The following CRYBA4 variants were observed in gnomAD, a reference collection of about 807,000 sequenced individuals.
The protein encoded by CRYBA4 is beta-crystallin A4.
In CRYBA4, 30 loss-of-function variants were observed where a neutral mutation model predicts 31.7. The observed-to-expected ratio is 0.95, with a 90% CI of 0.71 to 1.28. The LOEUF is 1.28. Among genes scored for constraint, CRYBA4 ranks in the 50% most tolerant of loss-of-function variants. CRYBA4 has a pLI of 0.00. For synonymous variants in CRYBA4, 102 were observed against 102.3 expected, an observed-to-expected ratio of 1.00 and a Z score of 0.02; for missense variants, 225 against 260.7, an observed-to-expected ratio of 0.86 and a Z score of 0.94.
chr22:26,607,951 A>G, the CRYBA4 span: 1 of 1,614,248 alleles, frequency 6.2e-7, no homozygotes, highest in Non-Finnish European at 8.5e-7. Context: ...CATGTGTTCC[A>G]GCGAGGGTAC....
chr22:26,594,241 TC>T, the CRYBA4 span, among the ~76,000 whole-genome samples: 1 of 152,210 alleles, frequency 6.6e-6, no homozygotes, highest in Admixed American at 6.5e-5. Context: ...CTAAGAAGGC[TC>T]ATCTCTTTAG....
the CRYBA4 span, chr22:26,601,932 G>C: frequency 6.2e-7 from 1 of 1,613,108 alleles, no homozygotes; most frequent in Non-Finnish European, 8.5e-7. Flanking sequence ...CGTAGACCCA[G>C]AGACTGGGTG....
chr22:26,605,637 C>T, the CRYBA4 span, among the ~76,000 whole-genome samples: 1 of 132,908 alleles, frequency 7.5e-6, no homozygotes, highest in African/African-American at 2.8e-5. Context: ...CGTGCCACTA[C>T]ACTCCAGCCT....
the CRYBA4 span, among the ~76,000 whole-genome samples, chr22:26,594,940 G>C: frequency 6.6e-6 from 1 of 152,130 alleles, no homozygotes; most frequent in African/African-American, 2.4e-5. Flanking sequence ...TTATCTTTAA[G>C]CTCTGAAATT....
At chr22:26,625,894 C>T (rs1186107706) in intron 4 of CRYBA4, among the ~76,000 whole-genome samples, 1 of 150,904 alleles carries the variant, frequency 6.6e-6, no homozygotes, top group Admixed American at 6.6e-5. Flanking sequence ...GGAGCCCCTG[C>T]CAGTTTTGTG....
At chr22:26,617,471 C>T (rs1449447559), upstream of CRYBA4, among the ~76,000 whole-genome samples, 2 of 152,298 alleles carry the variant, frequency 1.3e-5, no homozygotes, top group East Asian at 3.9e-4. Context: ...TGGGGTGCCC[C>T]CTGTTCACCA....
At chr22:26,612,107 G>A in the CRYBA4 span, 10 of 1,613,768 alleles carry the variant, frequency 6.2e-6, no homozygotes, top group South Asian at 3.3e-5. Flanking sequence ...GCACACGGTC[G>A]AAGCCACGGT....
the CRYBA4 span, chr22:26,612,115 G>C: frequency 1.2e-6 from 2 of 1,613,804 alleles, no homozygotes; most frequent in Non-Finnish European, 1.7e-6. Context: ...TCGAAGCCAC[G>C]GTCTGCCAGA....
intron 4 of CRYBA4, among the ~76,000 whole-genome samples, chr22:26,627,411 T>TCTTTC (rs1491360665): frequency 2.1e-5 from 2 of 96,904 alleles, no homozygotes; most frequent in Non-Finnish European, 3.7e-5. Context: ...TTTCTTTCTT[T>TCTTTC]CTTTCTTTCT....
At chr22:26,607,791 C>T in the CRYBA4 span, 48 of 1,559,446 alleles carry the variant, frequency 3.1e-5, no homozygotes, top group African/African-American at 4.1e-5. Flanking sequence ...CGCCTCCCTA[C>T]CCACCATCAT....
chr22:26,600,261 G>T, the CRYBA4 span, among the ~76,000 whole-genome samples: 1 of 152,062 alleles, frequency 6.6e-6, no homozygotes, highest in African/African-American at 2.4e-5. Context: ...AATTAGCAGG[G>T]TGTGGTGGTG....
chr22:26,627,422 TTC>T (rs1491225153), intron 4 of CRYBA4, among the ~76,000 whole-genome samples: 2 of 98,176 alleles, frequency 2.0e-5, no homozygotes, highest in East Asian at 3.8e-4. Context: ...CTTTCTTTCT[TTC>T]TTTTTCTTTC....
chr22:26,613,550 T>G, the CRYBA4 span, among the ~76,000 whole-genome samples: 3 of 152,336 alleles, frequency 2.0e-5, no homozygotes, highest in African/African-American at 7.2e-5. Context: ...ACATAAATTG[T>G]AAAGATTTCA....
the CRYBA4 span, among the ~76,000 whole-genome samples, chr22:26,610,440 G>A: frequency 7.2e-5 from 11 of 152,170 alleles, no homozygotes; most frequent in Admixed American, 3.3e-4. Flanking sequence ...CAAGGCACAC[G>A]TCAGACACCA....
the CRYBA4 span, among the ~76,000 whole-genome samples, chr22:26,607,258 G>A: frequency 4.0e-5 from 6 of 151,850 alleles, no homozygotes; most frequent in Admixed American, 6.6e-5. Context: ...CCTGACCTTG[G>A]GTAACCACCC....
the CRYBA4 span, among the ~76,000 whole-genome samples, chr22:26,597,422 A>G: frequency 6.6e-6 from 1 of 152,250 alleles, no homozygotes; most frequent in Admixed American, 6.5e-5. Flanking sequence ...AATTTCTAAC[A>G]GATGGCAGTA....
At chr22:26,606,563 GCA>G in the CRYBA4 span, among the ~76,000 whole-genome samples, 3 of 152,200 alleles carry the variant, frequency 2.0e-5, no homozygotes, top group Non-Finnish European at 4.4e-5. Flanking sequence ...ACATAGGTTG[GCA>G]TATAAGAACC....
At chr22:26,612,431 T>C in the CRYBA4 span, among the ~76,000 whole-genome samples, 1 of 152,182 alleles carries the variant, frequency 6.6e-6, no homozygotes, top group Non-Finnish European at 1.5e-5. Flanking sequence ...GGCGCAATCA[T>C]GGCTCACTGC....
chr22:26,622,434 G>A (rs1929560635), intron 1 of CRYBA4, among the ~76,000 whole-genome samples, 151 bp from the exon 2 acceptor site: 1 of 152,148 alleles, frequency 6.6e-6, no homozygotes, highest in South Asian at 2.1e-4. Context: ...GGAAAGGACA[G>A]GAGAGGGACA....
Sources: allele counts gnomAD v4.1 joint callset (sites outside exome capture counted in the v4.1 genomes callset), GRCh38; gene constraint gnomAD v4.1.1; transcripts MANE v1.5; gene names NCBI Gene and HGNC (gene_info 2026-07-23, HGNC 2026-07-21).